The following PACRG variants were observed in gnomAD, a reference collection of about 807,000 sequenced individuals.
PACRG encodes the protein parkin coregulated.
In PACRG, 29 loss-of-function variants were observed where a neutral mutation model predicts 29.7. The observed-to-expected ratio is 0.98, with a 90% CI of 0.73 to 1.33. The LOEUF is 1.33. Ranked by LOEUF, PACRG falls within the 40% of genes most tolerant of loss-of-function variation. PACRG has a pLI of 0.00. For synonymous variants in PACRG, 116 were observed against 118.7 expected (o/e 0.98, Z 0.15); for missense variants, 279 against 316.2 (o/e 0.88, Z 0.89).
chr6:162,766,795 T>G (rs781555110), intron 1 of PACRG, among the ~76,000 whole-genome samples: 11 of 152,132 alleles, frequency 7.2e-5, no homozygotes, highest in Admixed American at 6.5e-5. Flanking sequence ...GATCTATCTG[T>G]GATAGAAATT....
intron 4 of PACRG, among the ~76,000 whole-genome samples, chr6:163,204,743 G>T (rs764774954): frequency 7.9e-5 from 12 of 152,142 alleles, no homozygotes; most frequent in Non-Finnish European, 1.2e-4. Context: ...GGGCAATCGG[G>T]CATGAGAAAG....
At chr6:163,209,967 C>G (rs1340282149) in intron 4 of PACRG, among the ~76,000 whole-genome samples, 1 of 152,186 alleles carries the variant, frequency 6.6e-6, no homozygotes, top group Admixed American at 6.5e-5. Context: ...AGCCGAGCCC[C>G]TAAAAGTCTC....
intron 4 of PACRG, among the ~76,000 whole-genome samples, chr6:163,257,146 G>T (rs865885542): frequency 1.3e-5 from 2 of 152,034 alleles, no homozygotes; most frequent in African/African-American, 2.4e-5. Context: ...AATAACATCT[G>T]CAAAAACCCT....
At position 163,055,793 on chromosome 6, in the gene PACRG, A is replaced by G. The variant is rs572070931; in HGVS notation, c.292-6357A>G. Among the ~76,000 whole-genome samples the G allele has an allele frequency of 1.3e-5, 2 of 152,294 alleles. No individual in the cohort carries two copies. The highest frequency in any genetic ancestry group is 3.9e-4 in the East Asian group (2 of 5,180). ...ACCATGACCACCATCTAGTTCCAGA[A>G]CTTTTTCATCACCCCACATGGAAAC... On this transcript the variant is annotated intron_variant, in intron 2 of 4. Coordinates refer to ENST00000366888, the MANE Select transcript of PACRG (RefSeq NM_001080379.2). This position sits in a 1 kb window ranked among gnomAD's most constrained non-coding sequence, Gnocchi z 4.0.
chr6:163,094,814 C>T (rs1814423661), intron 4 of PACRG, among the ~76,000 whole-genome samples: 1 of 152,180 alleles, frequency 6.6e-6, no homozygotes, highest in Admixed American at 6.5e-5. Flanking sequence ...GAAATTTACA[C>T]CTAACATTTC....
chr6:163,193,424 C>G (rs1396916907), intron 4 of PACRG, among the ~76,000 whole-genome samples: 1 of 152,158 alleles, frequency 6.6e-6, no homozygotes, highest in African/African-American at 2.4e-5. Flanking sequence ...ACTTTCACCA[C>G]TATTCCATTT....
chr6:163,118,263 A>C (rs1816109536), intron 4 of PACRG, among the ~76,000 whole-genome samples: 2 of 152,174 alleles, frequency 1.3e-5, no homozygotes. Flanking sequence ...GGGTTTATGA[A>C]TAGCAGCGTA....
chr6:162,873,560 C>T (rs1284942391), intron 2 of PACRG, among the ~76,000 whole-genome samples: 1 of 152,126 alleles, frequency 6.6e-6, no homozygotes. Context: ...AAAGCCCATA[C>T]TGTAAAAATC....
Position 163,104,800 on chromosome 6 carries a change from C to G in PACRG, c.613+15392C>G, listed in dbSNP as rs146008998. Among the ~76,000 whole-genome samples the G allele has an allele frequency of 1.3e-4, 20 of 152,216 alleles. No individual in the cohort carries two copies. The East Asian group carries it at 3.7e-3, about 28-fold the overall frequency. On this transcript the variant is annotated intron_variant, in intron 4 of 4. Coordinates refer to ENST00000366888, the MANE Select transcript of PACRG (RefSeq NM_001080379.2). The stretch of plus-strand genomic sequence containing the variant: ...TCACATAGTTCTCCCAACAATTCTC[C>G]CAAATATAATAGGTAAACACATTAA...
At chr6:162,816,963 C>T (rs955320019) in intron 2 of PACRG, among the ~76,000 whole-genome samples, 2 of 152,176 alleles carry the variant, frequency 1.3e-5, no homozygotes, top group African/African-American at 4.8e-5. Context: ...TGCTGAGGAG[C>T]AGTGCTTCCC....
chr6:162,820,882 G>A (rs977233567), intron 2 of PACRG, among the ~76,000 whole-genome samples: 1 of 151,962 alleles, frequency 6.6e-6, no homozygotes, highest in Non-Finnish European at 1.5e-5. Flanking sequence ...CAATTTACCT[G>A]ATTTTTGTAC....
chr6:162,781,048 C>T (rs1251535993), intron 1 of PACRG, among the ~76,000 whole-genome samples: 4 of 151,708 alleles, frequency 2.6e-5, no homozygotes, highest in Admixed American at 1.3e-4. Context: ...CTCAGTAAAA[C>T]GCAAACACAA....
chr6:163,136,904 G>A (rs186536923), intron 4 of PACRG, among the ~76,000 whole-genome samples: 9 of 152,262 alleles, frequency 5.9e-5, no homozygotes, highest in East Asian at 3.9e-4. Flanking sequence ...TACTAAATGC[G>A]TTAACAACAT....
intron 2 of PACRG, among the ~76,000 whole-genome samples, chr6:162,998,109 C>G (rs1392178219): frequency 6.6e-6 from 1 of 152,192 alleles, no homozygotes; most frequent in African/African-American, 2.4e-5. Flanking sequence ...GCACATGGAA[C>G]TCTGTTCCGC....
chr6:162,953,184 C>T (rs1353386882), intron 2 of PACRG, among the ~76,000 whole-genome samples: 1 of 152,076 alleles, frequency 6.6e-6, no homozygotes, highest in East Asian at 1.9e-4. Flanking sequence ...TATATTTAAT[C>T]AATCATATTC....
intron 4 of PACRG, chr6:163,112,180 T>A (rs1209958112): frequency 6.2e-6 from 2 of 321,656 alleles, no homozygotes; most frequent in Non-Finnish European, 8.9e-6. Context: ...CTGATGGAAC[T>A]TTTTTTGAAG....
chr6:162,778,206 T>G (rs1783801898), intron 1 of PACRG, among the ~76,000 whole-genome samples: 1 of 152,120 alleles, frequency 6.6e-6, no homozygotes, highest in African/African-American at 2.4e-5. Flanking sequence ...GTCAGCACGG[T>G]GATTGTGGCG....
At chr6:163,153,907 G>A (rs999203129) in intron 4 of PACRG, among the ~76,000 whole-genome samples, 1 of 152,192 alleles carries the variant, frequency 6.6e-6, no homozygotes, top group African/African-American at 2.4e-5. Flanking sequence ...GCTCTGTGGG[G>A]TGAACAGTCT....
intron 1 of PACRG, among the ~76,000 whole-genome samples, chr6:162,811,210 C>G (rs2128356841): frequency 6.6e-6 from 1 of 152,178 alleles, no homozygotes; most frequent in Non-Finnish European, 1.5e-5. Flanking sequence ...TTTGGAAATG[C>G]AGAAGAAATC....
Sources: allele counts gnomAD v4.1 joint callset (sites outside exome capture counted in the v4.1 genomes callset), GRCh38; gene constraint gnomAD v4.1.1; non-coding constraint Gnocchi (gnomAD v3.1); transcripts MANE v1.5; gene names NCBI Gene and HGNC (gene_info 2026-07-23, HGNC 2026-07-21).